Variants in EXOC5 observed in about 807,000 individuals in gnomAD.
EXOC5 encodes exocyst complex component 5.
Under a neutral mutation model 90.8 loss-of-function variants are expected in EXOC5, and 17 were observed. That is an observed-to-expected ratio of 0.19 (90% CI 0.13 to 0.28). The LOEUF (loss-of-function observed/expected upper bound fraction) is 0.28, where lower values mean the gene tolerates loss of function less well. EXOC5 is among the 10% of genes least tolerant of loss of function. The pLI is 1.00. For missense variants in EXOC5, 569 were observed against 830.6 expected, an observed-to-expected ratio of 0.69 and a Z score of 3.87; for synonymous variants, 260 against 270.0, an observed-to-expected ratio of 0.96 and a Z score of 0.36.
intron 11 of EXOC5, 38 bp from the exon 12 acceptor site, chr14:57,229,919 T>C (rs374057277): frequency 7.8e-7 from 1 of 1,280,836 alleles, no homozygotes. Context: ...AAAGAAAACA[T>C]TTTACTTAGA....
intron 1 of EXOC5, among the ~76,000 whole-genome samples, chr14:57,250,352 T>C (rs1289614472): frequency 6.6e-6 from 1 of 152,150 alleles, no homozygotes; most frequent in African/African-American, 2.4e-5. Flanking sequence ...TCCCTGTTAT[T>C]GACTGAAGAA....
At chr14:57,259,970 A>G (rs1390513977) in intron 1 of EXOC5, among the ~76,000 whole-genome samples, 2 of 152,160 alleles carry the variant, frequency 1.3e-5, no homozygotes, top group African/African-American at 4.8e-5. Context: ...ATCCAAAACC[A>G]AAAAGGCAGG....
chr14:57,266,391 A>C (rs1884669279), intron 1 of EXOC5, among the ~76,000 whole-genome samples: 1 of 152,166 alleles, frequency 6.6e-6, no homozygotes, highest in South Asian at 2.1e-4. Context: ...ATGAAAACTT[A>C]CTCAAGAGTA....
At chr14:57,231,010 CTTT>C (rs758234288) in intron 11 of EXOC5, among the ~76,000 whole-genome samples, 12 of 137,988 alleles carry the variant, frequency 8.7e-5, no homozygotes, top group Admixed American at 1.5e-4. Context: ...ATCTACTTTA[CTTT>C]TTTTTTTTTT....
At position 57,216,123 on chromosome 14, in the gene EXOC5, T is replaced by C. The variant is rs8004542; in HGVS notation, c.1613+1859A>G. Among the ~76,000 whole-genome samples, 334 of 152,210 alleles carry C rather than the reference T, an allele frequency of 2.2e-3. 1 individual carries two copies. The highest frequency in any genetic ancestry group is 7.4e-3 in the African/African-American group (307 of 41,568). ...ATTAACCAAGGAAGTAAAAGACTTATACACTGAAAACCATAGAACATTGCC... is the reference window on the plus strand; with the variant it reads ...ATTAACCAAGGAAGTAAAAGACTTACACACTGAAAACCATAGAACATTGCC... On this transcript the variant is annotated intron_variant, in intron 15 of 17. Coordinates refer to ENST00000621441, the MANE Select transcript of EXOC5 (RefSeq NM_006544.4).
chr14:57,232,445 A>C (rs989657936), intron 10 of EXOC5: 4 of 313,288 alleles, frequency 1.3e-5, no homozygotes, highest in Non-Finnish European at 2.3e-5. Context: ...ACTAATGCTT[A>C]GAGAAAAAAT....
chr14:57,257,315 T>C (rs745518454), intron 1 of EXOC5, among the ~76,000 whole-genome samples: 5 of 152,164 alleles, frequency 3.3e-5, no homozygotes, highest in African/African-American at 9.7e-5. Context: ...GTTCCACATA[T>C]GTTAAAGTGT....
chr14:57,212,927 A>C (rs550757042), intron 15 of EXOC5, among the ~76,000 whole-genome samples: 2 of 152,088 alleles, frequency 1.3e-5, no homozygotes, highest in Non-Finnish European at 2.9e-5. Flanking sequence ...TTTTAACTTT[A>C]TGCAGTGTTT....
Position 57,232,732 on chromosome 14 carries a change from C to A in EXOC5, c.873G>T (p.Gln291His). The A allele has an allele frequency of 6.5e-7, 1 of 1,533,956 alleles. No individual in the cohort carries two copies. The highest frequency in any genetic ancestry group is 8.9e-7 in the Non-Finnish European group (1 of 1,119,880). The change falls in exon 10 of 18, where the codon CAG becomes CAT. Residue 291 changes from glutamine (Q) to histidine (H), a missense_variant. Gln to His is a conservative substitution (Grantham distance 24). Coordinates refer to ENST00000621441, the MANE Select transcript of EXOC5 (RefSeq NM_006544.4). Reference protein sequence around the residue: ...EIKLQSFVKEQLEECRKSDAE... With the variant: ...EIKLQSFVKEHLEECRKSDAE... ...CATCGGACTTCCTACATTCTTCTAA[C>A]TGCTCTTTCACAAAACTCTAAAAGA...
intron 3 of EXOC5, 50 bp from the exon 4 acceptor site, chr14:57,244,409 T>C: frequency 1.6e-6 from 2 of 1,235,580 alleles, no homozygotes; most frequent in East Asian, 2.3e-5. Flanking sequence ...GCTCAGTTTA[T>C]AATCTAAACT....
chr14:57,229,100 C>T (rs1883400357), intron 12 of EXOC5, among the ~76,000 whole-genome samples: 1 of 152,086 alleles, frequency 6.6e-6, no homozygotes, highest in Admixed American at 6.6e-5. Context: ...CCCTGATGCA[C>T]CATTTCTTCA....
chr14:57,244,400 C>T, intron 3 of EXOC5, 41 bp from the exon 4 acceptor site: 1 of 1,424,138 alleles, frequency 7.0e-7, no homozygotes, highest in Non-Finnish European at 9.9e-7. Context: ...AATCAGTGTG[C>T]TCAGTTTATA....
At position 57,252,438 on chromosome 14, in the gene EXOC5, T is replaced by C. The variant is rs78999262; in HGVS notation, c.28-4726A>G. Among the ~76,000 whole-genome samples, 145 of 151,998 alleles carry C rather than the reference T, an allele frequency of 9.5e-4. 1 individual carries two copies. The highest frequency in any genetic ancestry group is 3.3e-3 in the African/African-American group (137 of 41,470). On this transcript the variant is annotated intron_variant, in intron 1 of 17. Coordinates refer to ENST00000621441, the MANE Select transcript of EXOC5 (RefSeq NM_006544.4). ...AAAATACATAAGGAACTCAACTCAA[T>C]AGGAAGAAAACAACCTGGATTTTAA...
chr14:57,260,308 A>G (rs981628789), intron 1 of EXOC5, among the ~76,000 whole-genome samples: 2 of 152,220 alleles, frequency 1.3e-5, no homozygotes, highest in African/African-American at 2.4e-5. Context: ...TCATTAAGAC[A>G]CTAATATAAC....
chr14:57,215,226 C>T (rs1386719109), intron 15 of EXOC5, among the ~76,000 whole-genome samples: 2 of 150,010 alleles, frequency 1.3e-5, no homozygotes, highest in East Asian at 3.9e-4. Context: ...AGGGAGACTC[C>T]GTCTCAAAAA....
At chr14:57,231,394 AG>A in intron 11 of EXOC5, 111 bp downstream of exon 11, 1 of 689,452 alleles carries the variant, frequency 1.5e-6, no homozygotes, top group Non-Finnish European at 2.4e-6. Context: ...CTGGATTAAA[AG>A]AACTCTTCAC....
intron 1 of EXOC5, among the ~76,000 whole-genome samples, chr14:57,251,593 T>C (rs1041095552): frequency 3.3e-5 from 5 of 149,574 alleles, no homozygotes; most frequent in Non-Finnish European, 3.0e-5. Flanking sequence ...AGATCTCAAA[T>C]CAACACAACT....
chr14:57,268,819 A>C lies in EXOC5; in HGVS notation c.-171T>G. On this transcript the variant is annotated 5_prime_UTR_variant, in exon 1 of 18. Transcript: ENST00000621441. ...AGGAGGGGCGGGAGAGCGGCCATGAAGCGAAGCCGCAAACGCTTGTCAGCT... is the reference window on the plus strand; with the variant it reads ...AGGAGGGGCGGGAGAGCGGCCATGACGCGAAGCCGCAAACGCTTGTCAGCT... 1 of 1,386,430 alleles carries C rather than the reference A, an allele frequency of 7.2e-7. No individual in the cohort carries two copies. Among genetic ancestry groups the C allele is most frequent in the Non-Finnish European group, 9.3e-7 (1 of 1,074,990 alleles). The allele number at this position is 1,386,430 out of a possible 1,614,324, so 85.9% of individuals were successfully genotyped here. A position where few individuals can be genotyped will look rare whatever the true frequency, so the allele number is the denominator to read the frequency against.
In EXOC5 at chr14:57,219,441, T is replaced by C. The variant is rs1437217465; in HGVS notation, c.1407A>G (p.Gly469=). 3 of 1,573,152 alleles carry C rather than the reference T, an allele frequency of 1.9e-6. No individual in the cohort carries two copies. The South Asian group carries it at 3.6e-5, about 19-fold the overall frequency. The part of the protein sequence containing the change: ...IDYALETGLA[G]IPSSDSRNAN... ...CATTCCTAGAATCTGAAGAGGGAAT[T>C]CCTAAAACCAGAAAGCATACATATG... is the stretch of plus-strand genomic sequence containing the variant. The change falls in exon 14 of 18, where the codon GGA becomes GGG. Residue 469 remains glycine (G), a splice_region_variant and synonymous_variant. Transcript: ENST00000621441.
Sources: gnomAD v4.1 joint callset for allele counts (sites outside exome capture counted in the v4.1 genomes callset) on GRCh38, gnomAD v4.1.1 for gene constraint, MANE v1.5 for transcripts, NCBI Gene and HGNC (gene_info 2026-07-23, HGNC 2026-07-21) for gene names.